Variants in IMPG1 observed in about 807,000 individuals in gnomAD.
The protein encoded by IMPG1 is interphotoreceptor matrix proteoglycan of 150 kDa.
Under a neutral mutation model 92.0 loss-of-function variants are expected in IMPG1, and 85 were observed. The ratio of observed to expected loss-of-function variants is 0.92; its 90% confidence interval spans 0.78 to 1.11. The LOEUF is 1.11. IMPG1 is among the 50% of genes least tolerant of loss of function. The pLI is 0.00. For missense variants in IMPG1, 1,022 were observed against 956.0 expected, an observed-to-expected ratio of 1.07 and a Z score of -0.91; for synonymous variants, 367 against 334.1, an observed-to-expected ratio of 1.10 and a Z score of -1.08.
At chr6:75,993,744 A>T (rs1189658399) in intron 12 of IMPG1, among the ~76,000 whole-genome samples, 1 of 152,216 alleles carries the variant, frequency 6.6e-6, no homozygotes, top group African/African-American at 2.4e-5. Flanking sequence ...TATATTTTTA[A>T]GATTTAAGAT....
At chr6:75,973,824 T>C (rs992034885) in intron 12 of IMPG1, among the ~76,000 whole-genome samples, 2 of 152,162 alleles carry the variant, frequency 1.3e-5, no homozygotes, top group African/African-American at 4.8e-5. Context: ...AGAGGACACA[T>C]AGGGTACTTT....
At chr6:76,028,697 G>A (rs1284640987) in intron 4 of IMPG1, among the ~76,000 whole-genome samples, 4 of 152,178 alleles carry the variant, frequency 2.6e-5, no homozygotes, top group Non-Finnish European at 5.9e-5. Flanking sequence ...AGGCATGGTG[G>A]TGGGTGCCTG....
At chr6:76,007,902 TC>T (rs1456695269) in intron 8 of IMPG1, among the ~76,000 whole-genome samples, 3 of 152,246 alleles carry the variant, frequency 2.0e-5, no homozygotes, top group African/African-American at 7.2e-5. Flanking sequence ...AATGGATTTC[TC>T]AGCTCTTACT....
intron 2 of IMPG1, among the ~76,000 whole-genome samples, chr6:76,037,941 T>C (rs1783769027): frequency 6.6e-6 from 1 of 152,242 alleles, no homozygotes; most frequent in Non-Finnish European, 1.5e-5. Context: ...TAAGACTTGC[T>C]TTTATTTCAT....
At chr6:75,996,287 G>A (rs1782901093) in intron 12 of IMPG1, among the ~76,000 whole-genome samples, 1 of 152,118 alleles carries the variant, frequency 6.6e-6, no homozygotes, top group African/African-American at 2.4e-5. Context: ...AGAAAAAGGA[G>A]AAACAATGGC....
At position 75,931,136 on chromosome 6, in the gene IMPG1, G is replaced by T; in HGVS notation, c.2060C>A (p.Pro687His). 1 of 1,612,962 alleles carries T rather than the reference G, an allele frequency of 6.2e-7. No homozygotes were observed. Among genetic ancestry groups the T allele is most frequent in the South Asian group, 1.1e-5 (1 of 90,804 alleles). Residue 687 changes from proline to histidine, a missense_variant, in exon 15 of 17, where the codon CCC becomes CAC. Physicochemically the swap from Pro to His is moderately conservative, Grantham distance 77. Coordinates refer to ENST00000369950, the MANE Select transcript of IMPG1 (RefSeq NM_001563.4). ...TTCGCCGCAGGCCAGGAACTTGCAG[G>T]GATCTGCTTGATCAGCTGTAAGAAA... Reference protein sequence around the residue: ...LNIEPADQADPCKFLACGEFA... With the variant: ...LNIEPADQADHCKFLACGEFA...
At position 75,950,705 on chromosome 6, in the gene IMPG1, T is replaced by C. The variant is rs776351845; in HGVS notation, c.1681A>G (p.Thr561Ala). 1.2e-6 allele frequency: 2 copies of C among 1,613,942 alleles called. No individual in the cohort carries two copies. The highest frequency in any genetic ancestry group is 1.7e-6 in the Non-Finnish European group (2 of 1,179,880). ...TPVSALQYIT[T>A]SSMTIAPKGR... ...TTGGGGGCAATGGTCATAGAACTAG[T>C]GGTGATATACTGTAAAGCTGAGACA... The change falls in exon 13 of 17, where the codon ACT (threonine) becomes GCT (alanine). Residue 561 changes from threonine to alanine, a missense_variant. Thr to Ala is a moderately conservative substitution (Grantham distance 58). Transcript: ENST00000369950.
rs187052384 is a variant in IMPG1 at position 76,027,687 on chromosome 6, G to T, written c.498-2429C>A. 1.6e-3 allele frequency among the ~76,000 whole-genome samples: 244 copies of T among 152,234 alleles called. 6 individuals carry two copies. The highest frequency in any genetic ancestry group is 9.6e-4 in the East Asian group (5 of 5,188). Reference sequence around the variant, plus strand: ...ACTATTCAAAAAAAGGTATTATATGGTTTTTTCCGTAAATTGAGCATTGAG... The same window carrying T: ...ACTATTCAAAAAAAGGTATTATATGTTTTTTTCCGTAAATTGAGCATTGAG... On this transcript the variant is annotated intron_variant, in intron 4 of 16. Coordinates refer to ENST00000369950, the MANE Select transcript of IMPG1 (RefSeq NM_001563.4).
At chr6:76,014,444 GA>G (rs1783247442) in intron 7 of IMPG1, among the ~76,000 whole-genome samples, 1 of 152,190 alleles carries the variant, frequency 6.6e-6, no homozygotes, top group Non-Finnish European at 1.5e-5. Context: ...GGGCTCAACA[GA>G]AATCTAGGAG....
chr6:75,969,666 G>C (rs187357166), intron 12 of IMPG1, among the ~76,000 whole-genome samples: 1 of 152,224 alleles, frequency 6.6e-6, no homozygotes, highest in East Asian at 1.9e-4. Context: ...CCATGAGACA[G>C]AGGCTGCAGT....
rs1045035867 is a variant in IMPG1 at position 75,989,878 on chromosome 6, C to T, written c.1291+13040G>A. Among the ~76,000 whole-genome samples, 4 of 152,044 alleles carry T rather than the reference C, an allele frequency of 2.6e-5. No individual in the cohort carries two copies. The East Asian group carries it at 7.7e-4, about 29-fold the overall frequency. On this transcript the variant is annotated intron_variant, in intron 12 of 16. Transcript: ENST00000369950. The stretch of plus-strand genomic sequence containing the variant: ...TAAAATAAAATAATTATATGTAGAT[C>T]TTGTATTCTTAGCACACACCCAAAA...
At chr6:75,982,178 A>G (rs1446517319) in intron 12 of IMPG1, among the ~76,000 whole-genome samples, 1 of 152,182 alleles carries the variant, frequency 6.6e-6, no homozygotes, top group African/African-American at 2.4e-5. Context: ...TGGTGGGGGA[A>G]GAATTTATAG....
intron 12 of IMPG1, among the ~76,000 whole-genome samples, chr6:75,966,515 C>CA (rs1582072096): frequency 6.6e-6 from 1 of 152,256 alleles, no homozygotes; most frequent in African/African-American, 2.4e-5. Context: ...TTATGCAGCC[C>CA]AAAGGCCCTC....
At chr6:76,003,087 A>C (rs577767810) in intron 11 of IMPG1, 91 bp from the exon 12 acceptor site, 1 of 850,192 alleles carries the variant, frequency 1.2e-6, no homozygotes, top group African/African-American at 1.7e-5. Flanking sequence ...ATTTTCATTT[A>C]AATTTAGGCA....
intron 9 of IMPG1, 143 bp downstream of exon 9, chr6:76,007,337 T>C: frequency 1.7e-6 from 1 of 600,562 alleles, no homozygotes; most frequent in Non-Finnish European, 2.9e-6. Context: ...AATTGTTCAA[T>C]TACTTCCATT....
rs762156971 is a variant in IMPG1 at position 76,003,857 on chromosome 6, A to AGACTTTGTTCCT, written c.1212+16_1212+17insAGGAACAAAGTC. 1 of 1,595,698 alleles carries AGACTTTGTTCCT rather than the reference A, an allele frequency of 6.3e-7. No homozygotes were observed. Among genetic ancestry groups the AGACTTTGTTCCT allele is most frequent in the Non-Finnish European group, 8.6e-7 (1 of 1,166,762 alleles). On this transcript the variant is annotated intron_variant, in intron 11 of 16. Transcript: ENST00000369950. ...GACTTTGTTCCTAGTTAAAGAACAA[A>AGACTTTGTTCCT]AGGACAACAAACTTACCTCTGTTAT...
At chr6:76,034,434 C>A in intron 3 of IMPG1, 91 bp from the exon 4 acceptor site, 1 of 1,313,334 alleles carries the variant, frequency 7.6e-7, no homozygotes, top group Non-Finnish European at 1.1e-6. Flanking sequence ...CTCCCTTAAC[C>A]TACACTTCAA....
At chr6:76,066,193 A>G (rs1487692115) in intron 1 of IMPG1, among the ~76,000 whole-genome samples, 1 of 152,158 alleles carries the variant, frequency 6.6e-6, no homozygotes, top group Admixed American at 6.6e-5. Context: ...AACAGTTAAC[A>G]GTATAACAGA....
chr6:76,041,304 C>A (rs144680006), intron 2 of IMPG1, among the ~76,000 whole-genome samples: 30 of 152,206 alleles, frequency 2.0e-4, no homozygotes, highest in South Asian at 1.2e-3. Context: ...GACTGTGACT[C>A]TGCTGGAAAC....
Sources: gnomAD v4.1 joint callset for allele counts (sites outside exome capture counted in the v4.1 genomes callset) on GRCh38, gnomAD v4.1.1 for gene constraint, MANE v1.5 for transcripts, NCBI Gene and HGNC (gene_info 2026-07-23, HGNC 2026-07-21) for gene names.